NDUFA5: variants seen among roughly 807,000 people sequenced by gnomAD.
The protein encoded by NDUFA5 is NADH dehydrogenase [ubiquinone] 1 alpha subcomplex subunit 5.
A neutral mutation model predicts 19.8 loss-of-function variants in NDUFA5; 11 were observed. The ratio of observed to expected loss-of-function variants is 0.56; its 90% CI spans 0.35 to 0.92. The LOEUF (loss-of-function observed/expected upper bound fraction) is 0.92, where lower values mean the gene tolerates loss of function less well. NDUFA5 is among the 40% of genes least tolerant of loss of function. The pLI is 0.01. For missense variants in NDUFA5, 109 were observed against 134.2 expected (o/e 0.81, Z 0.93); for synonymous variants, 47 against 46.8 (o/e 1.00, Z -0.01).
the NDUFA5 span, among the ~76,000 whole-genome samples, chr7:123,569,355 A>T: frequency 6.6e-6 from 1 of 152,362 alleles, no homozygotes; most frequent in East Asian, 1.9e-4. Context: ...TCTCAGATAC[A>T]TGTAAATAGC....
chr7:123,584,394 G>A, the NDUFA5 span, among the ~76,000 whole-genome samples: 6 of 151,534 alleles, frequency 4.0e-5, no homozygotes, highest in Non-Finnish European at 5.9e-5. Context: ...TGAGGGAGGC[G>A]GCTAGGCATC....
chr7:123,582,306 G>C, the NDUFA5 span, among the ~76,000 whole-genome samples: 1 of 151,772 alleles, frequency 6.6e-6, no homozygotes, highest in Non-Finnish European at 1.5e-5. Context: ...TATCCAAAGG[G>C]AGTGAGTGCT....
At chr7:123,601,100 C>T in the NDUFA5 span, among the ~76,000 whole-genome samples, 5 of 151,994 alleles carry the variant, frequency 3.3e-5, no homozygotes, top group African/African-American at 4.8e-5. Flanking sequence ...TTGTGAGTGC[C>T]GATGGTGGCC....
the NDUFA5 span, among the ~76,000 whole-genome samples, chr7:123,582,392 A>G: frequency 6.6e-6 from 1 of 152,012 alleles, no homozygotes. Context: ...CACCCCAAAG[A>G]GAAAGCCTTT....
At chr7:123,576,807 C>T in the NDUFA5 span, among the ~76,000 whole-genome samples, 3 of 152,196 alleles carry the variant, frequency 2.0e-5, no homozygotes, top group Non-Finnish European at 4.4e-5. Context: ...ACTAGGTTTT[C>T]TCACCACTCT....
At chr7:123,565,073 T>C in the NDUFA5 span, among the ~76,000 whole-genome samples, 1 of 152,142 alleles carries the variant, frequency 6.6e-6, no homozygotes, top group Non-Finnish European at 1.5e-5. Context: ...AAAGCTGGTG[T>C]TGTGATTCAG....
At position 123,545,551 on chromosome 7, in the gene NDUFA5, A is replaced by T. The variant is rs1385697810; in HGVS notation, c.249+60T>A. 1.1e-5 allele frequency: 14 copies of T among 1,323,038 alleles called. No individual in the cohort carries two copies. The East Asian group carries it at 1.6e-4, about 15-fold the overall frequency. The allele number at this position is 1,323,038 out of a possible 1,614,324, so 82.0% of individuals were successfully genotyped here. On this transcript the variant is annotated intron_variant, in intron 4 of 4. Transcript: ENST00000355749. ...GGAAATTTAGTTTTCCTTTCATTCT[A>T]GAACGTCAGTTGTGTGTCTCTATGA...
In NDUFA5 at chr7:123,541,915, T is replaced by C. The variant is rs1797955730; in HGVS notation, c.*204A>G. ...TCTCTGTTCACAGAAATATCATCTT[T>C]GAAACAACTTGTGTGAGTACTTTAT... On this transcript the variant is annotated 3_prime_UTR_variant, in exon 5 of 5. Coordinates refer to ENST00000355749, the MANE Select transcript of NDUFA5 (RefSeq NM_005000.5). 1.5e-5 allele frequency: 5 copies of C among 330,704 alleles called. No individual in the cohort carries two copies. In the East Asian group the frequency reaches 2.7e-4, roughly 18 times the overall value. The allele number at this position is 330,704 out of a possible 1,614,324, so 20.5% of individuals were successfully genotyped here.
chr7:123,554,418 T>A (rs992348376), intron 2 of NDUFA5, among the ~76,000 whole-genome samples: 6 of 152,148 alleles, frequency 3.9e-5, no homozygotes, highest in African/African-American at 1.2e-4. Flanking sequence ...CGTGGTTTCA[T>A]TTTCCAAGGT....
the NDUFA5 span, among the ~76,000 whole-genome samples, chr7:123,569,895 G>A: frequency 3.3e-5 from 5 of 152,062 alleles, no homozygotes; most frequent in African/African-American, 7.2e-5. Context: ...GCCTTTGTAC[G>A]GATGACTTAG....
At chr7:123,593,399 G>C in the NDUFA5 span, among the ~76,000 whole-genome samples, 4 of 152,156 alleles carry the variant, frequency 2.6e-5, no homozygotes, top group African/African-American at 9.7e-5. Context: ...TGTTTTTGCA[G>C]TGGCTGGTAC....
intron 3 of NDUFA5, among the ~76,000 whole-genome samples, chr7:123,548,556 C>T (rs1416893969): frequency 2.0e-5 from 3 of 152,044 alleles, no homozygotes; most frequent in African/African-American, 4.8e-5. Flanking sequence ...TACAAATGAA[C>T]ACAAAAATAA....
chr7:123,574,730 G>T, the NDUFA5 span, among the ~76,000 whole-genome samples: 1 of 151,636 alleles, frequency 6.6e-6, no homozygotes, highest in Non-Finnish European at 1.5e-5. Context: ...ACTGTACTTT[G>T]TTCAAAAGAT....
At chr7:123,575,326 C>T in the NDUFA5 span, among the ~76,000 whole-genome samples, 5 of 152,026 alleles carry the variant, frequency 3.3e-5, no homozygotes, top group African/African-American at 7.2e-5. Context: ...AGTAAAACAC[C>T]GCCTTTCTTA....
At chr7:123,581,579 T>G in the NDUFA5 span, among the ~76,000 whole-genome samples, 1 of 152,076 alleles carries the variant, frequency 6.6e-6, no homozygotes, top group South Asian at 2.1e-4. Context: ...ACATATTAGG[T>G]TTCTGAAAAG....
At chr7:123,567,509 C>T in the NDUFA5 span, among the ~76,000 whole-genome samples, 268 of 152,308 alleles carry the variant, frequency 1.8e-3, 2 homozygotes, top group East Asian at 0.025. Flanking sequence ...GGACTTCCTA[C>T]GCTGCTTCTC....
At chr7:123,587,868 G>A in the NDUFA5 span, among the ~76,000 whole-genome samples, 2 of 151,686 alleles carry the variant, frequency 1.3e-5, no homozygotes, top group Non-Finnish European at 1.5e-5. Context: ...AATTATACTT[G>A]CATCCCAGAG....
chr7:123,557,908 C>T (rs1325329094), upstream of NDUFA5: 4 of 1,581,836 alleles, frequency 2.5e-6, no homozygotes, highest in South Asian at 2.2e-5. Flanking sequence ...AGCTCCACCC[C>T]TTCAGGATCG....
chr7:123,558,430 G>A (rs1187477233), upstream of NDUFA5, among the ~76,000 whole-genome samples: 1 of 152,162 alleles, frequency 6.6e-6, no homozygotes, highest in Non-Finnish European at 1.5e-5. Flanking sequence ...CTCACTATGT[G>A]TCAGTTACTG....
Sources: allele counts gnomAD v4.1 joint callset (sites outside exome capture counted in the v4.1 genomes callset), GRCh38; gene constraint gnomAD v4.1.1; transcripts MANE v1.5; gene names NCBI Gene and HGNC (gene_info 2026-07-23, HGNC 2026-07-21).